Variants in ATP10B observed in about 807,000 individuals in gnomAD.
ATP10B encodes the protein phospholipid-transporting ATPase VB.
A neutral mutation model predicts 141.2 loss-of-function variants in ATP10B; 122 were observed. That is an observed-to-expected ratio of 0.86 (90% CI 0.75 to 1.00). ATP10B has a LOEUF of 1.00. Among genes scored for constraint, ATP10B ranks in the 50% least tolerant of loss-of-function variants. The pLI, the probability that ATP10B is intolerant of heterozygous loss-of-function variation, is 0.00. For synonymous variants in ATP10B, 685 were observed against 692.0 expected (o/e 0.99, Z 0.16); for missense variants, 1,876 against 1,825.3 (o/e 1.03, Z -0.51).
intron 24 of ATP10B, among the ~76,000 whole-genome samples, chr5:160,571,713 G>A (rs1754886409): frequency 6.6e-6 from 1 of 152,110 alleles, no homozygotes; most frequent in Non-Finnish European, 1.5e-5. Context: ...TTTTGCAATC[G>A]TTGGGCACTG....
intron 2 of ATP10B, among the ~76,000 whole-genome samples, chr5:160,740,400 C>T (rs1273513029): frequency 6.6e-6 from 1 of 152,330 alleles, no homozygotes; most frequent in East Asian, 1.9e-4. Context: ...AGGGAACTTA[C>T]TACCTCACAA....
At chr5:160,736,711 G>T (rs1176732660) in intron 2 of ATP10B, among the ~76,000 whole-genome samples, 3 of 152,166 alleles carry the variant, frequency 2.0e-5, no homozygotes, top group African/African-American at 4.8e-5. Flanking sequence ...AGTGAGCCGA[G>T]ATCGCGCCAC....
intron 1 of ATP10B, among the ~76,000 whole-genome samples, chr5:160,824,125 C>G (rs1048563470): frequency 2.6e-5 from 4 of 151,906 alleles, no homozygotes; most frequent in African/African-American, 9.7e-5. Context: ...GGGTTCACAC[C>G]ATTCTCCTAC....
chr5:160,661,154 C>A (rs572439273), intron 7 of ATP10B, among the ~76,000 whole-genome samples: 1 of 152,106 alleles, frequency 6.6e-6, no homozygotes, highest in African/African-American at 2.4e-5. Context: ...CCATTGCACT[C>A]CAGCCTGGGC....
intron 8 of ATP10B, among the ~76,000 whole-genome samples, chr5:160,646,127 A>G (rs1760260085): frequency 6.6e-6 from 1 of 152,216 alleles, no homozygotes; most frequent in Non-Finnish European, 1.5e-5. Context: ...TTCCAAGGCT[A>G]TACAACTAGT....
At chr5:160,596,703 T>C (rs1756718109) in intron 22 of ATP10B, among the ~76,000 whole-genome samples, 1 of 151,884 alleles carries the variant, frequency 6.6e-6, no homozygotes. Context: ...AGTCTCAGGA[T>C]ACAAAATCAA....
chr5:160,574,749 GGACACA>G (rs1755084158), intron 24 of ATP10B, among the ~76,000 whole-genome samples: 1 of 151,422 alleles, frequency 6.6e-6, no homozygotes, highest in Non-Finnish European at 1.5e-5. Context: ...CACCATGTGA[GGACACA>G]GTGTTTGTTT....
chr5:160,887,356 CTA>C, the ATP10B span, among the ~76,000 whole-genome samples: 1,108 of 152,234 alleles, frequency 7.3e-3, 15 homozygotes, highest in African/African-American at 0.023. Context: ...TAGGGAATAA[CTA>C]CAAGAAAAAT....
At chr5:160,913,067 T>G in the ATP10B span, among the ~76,000 whole-genome samples, 1 of 152,244 alleles carries the variant, frequency 6.6e-6, no homozygotes, top group African/African-American at 2.4e-5. Context: ...CCAATGTGAT[T>G]AAAATACTTA....
At chr5:160,596,934 G>C (rs1187081202) in intron 22 of ATP10B, among the ~76,000 whole-genome samples, 5 of 152,160 alleles carry the variant, frequency 3.3e-5, no homozygotes, top group African/African-American at 2.4e-5. Flanking sequence ...CTCATGGGTA[G>C]GAAGAATCAA....
chr5:160,812,100 G>A, intron 1 of ATP10B, among the ~76,000 whole-genome samples: 1 of 151,514 alleles, frequency 6.6e-6, no homozygotes, highest in South Asian at 2.1e-4. Flanking sequence ...AGAAAGTAAG[G>A]GAAGACAACA....
At chr5:160,872,018 T>C in the ATP10B span, among the ~76,000 whole-genome samples, 1 of 152,130 alleles carries the variant, frequency 6.6e-6, no homozygotes, top group East Asian at 1.9e-4. Context: ...ACCAGCAGTG[T>C]AGAAGTGTTC....
intron 1 of ATP10B, among the ~76,000 whole-genome samples, chr5:160,816,032 T>C (rs548026972): frequency 3.3e-5 from 5 of 152,030 alleles, no homozygotes; most frequent in East Asian, 1.9e-4. Flanking sequence ...GGGAAATTTA[T>C]AGCACTAAAT....
chr5:160,872,284 G>C, the ATP10B span, among the ~76,000 whole-genome samples: 1 of 152,078 alleles, frequency 6.6e-6, no homozygotes, highest in Non-Finnish European at 1.5e-5. Context: ...TTACTTTTCT[G>C]TCAGATGTAT....
chr5:160,686,806 A>G (rs1581357070), intron 5 of ATP10B: 1 of 270,614 alleles, frequency 3.7e-6, no homozygotes, highest in Non-Finnish European at 5.7e-6. Context: ...TAATATTTGC[A>G]TGATATACAG....
intron 18 of ATP10B, among the ~76,000 whole-genome samples, chr5:160,608,696 T>G (rs948940228): frequency 1.3e-4 from 20 of 152,242 alleles, no homozygotes; most frequent in African/African-American, 4.8e-4. Context: ...ATGAGCATTT[T>G]TTCATGTGTT....
chr5:160,582,512 T>G lies in ATP10B; in HGVS notation c.3750+7080A>C, dbSNP rs777227630. ...GTAGGATTTTTACAGAGATATCTGC[T>G]GTTAGTCTGATGGACTTCTCTTTGT... On this transcript the variant is annotated intron_variant, in intron 24 of 25. Transcript: ENST00000327245. Among the ~76,000 whole-genome samples, 9 of 152,382 alleles carry G rather than the reference T, an allele frequency of 5.9e-5. No homozygotes were observed. In the East Asian group the frequency reaches 1.7e-3, roughly 29 times the overall value.
Position 160,636,163 on chromosome 5 carries a change from G to T in ATP10B, c.1128+19C>A, listed in dbSNP as rs1759350697. 1 of 1,584,970 alleles carries T rather than the reference G, an allele frequency of 6.3e-7. No individual in the cohort carries two copies. The highest frequency in any genetic ancestry group is 8.6e-7 in the Non-Finnish European group (1 of 1,167,012). On this transcript the variant is annotated intron_variant, in intron 11 of 25. Coordinates refer to ENST00000327245, the MANE Select transcript of ATP10B (RefSeq NM_025153.3). ...GGCCACATATCTTATTGGGCCCCTA[G>T]TTAGGGAGGGCTTCCTACCTGGAGC...
chr5:160,575,661 A>C (rs1406713454), intron 24 of ATP10B, among the ~76,000 whole-genome samples: 1 of 152,134 alleles, frequency 6.6e-6, no homozygotes, highest in Non-Finnish European at 1.5e-5. Context: ...CAACCCACTA[A>C]ATTCTTTTTT....
Sources: allele counts gnomAD v4.1 joint callset (sites outside exome capture counted in the v4.1 genomes callset), GRCh38; gene constraint gnomAD v4.1.1; transcripts MANE v1.5; gene names NCBI Gene and HGNC (gene_info 2026-07-23, HGNC 2026-07-21).